EP300: variants seen among roughly 807,000 people sequenced by gnomAD.
EP300 encodes EP300 lysine acetyltransferase, also known as histone acetyltransferase p300.
A neutral mutation model predicts 264.0 loss-of-function variants in EP300; 31 were observed. That is an observed-to-expected ratio of 0.12 (90% CI 0.09 to 0.16). EP300 has a LOEUF of 0.16. EP300 is among the 10% of genes least tolerant of loss of function. The pLI is 1.00. For synonymous variants in EP300, 1,340 were observed against 1,045.4 expected (o/e 1.28, Z -5.44); for missense variants, 2,766 against 3,052.9 (o/e 0.91, Z 2.21).
intron 8 of EP300, 60 bp downstream of exon 8, chr22:41,137,850 A>G: frequency 5.0e-6 from 8 of 1,611,230 alleles, no homozygotes; most frequent in South Asian, 1.1e-5. Context: ...CATGTTTTCA[A>G]TCTCCTGGGC....
chr22:41,096,301 G>A (rs1465487484), intron 1 of EP300, among the ~76,000 whole-genome samples: 2 of 152,158 alleles, frequency 1.3e-5, no homozygotes, highest in East Asian at 1.9e-4. Flanking sequence ...GAAATGATGA[G>A]GGTCATCTGT....
At chr22:41,140,279 A>C (rs368104247) in intron 9 of EP300, 22 bp downstream of exon 9, 1 of 1,470,210 alleles carries the variant, frequency 6.8e-7, no homozygotes, top group African/African-American at 1.4e-5. Context: ...GTTTTTTTCT[A>C]TTAATAGCCA....
At chr22:41,142,671 G>C (rs1431212922) in intron 10 of EP300, among the ~76,000 whole-genome samples, 1 of 152,108 alleles carries the variant, frequency 6.6e-6, no homozygotes, top group South Asian at 2.1e-4. Context: ...AGATCATGAC[G>C]TCAGGAGATG....
chr22:41,135,830 G>C lies in EP300; in HGVS notation c.1546G>C (p.Val516Leu), dbSNP rs1601610243. The C allele has an allele frequency of 6.2e-7, 1 of 1,613,610 alleles. No homozygotes were observed. The highest frequency in any genetic ancestry group is 2.2e-5 in the East Asian group (1 of 44,866). The change falls in exon 7 of 31, where the codon GTA (valine) becomes CTA (leucine). Residue 516 changes from valine to leucine, a missense_variant. Coordinates refer to ENST00000263253, the MANE Select transcript of EP300 (RefSeq NM_001429.4). ...TGACTTAGGTGCTAGTCCTATGGGA[G>C]TAAATGGAGGTGTAGGAGTTCAAAC... ...MSNMSASPMG[V>L]NGGVGVQTPS...
intron 11 of EP300, 36 bp downstream of exon 11, chr22:41,146,852 A>G: frequency 6.4e-7 from 1 of 1,565,396 alleles, no homozygotes; most frequent in Non-Finnish European, 8.7e-7. Flanking sequence ...TTTTAAAAGA[A>G]TCCCCGGTGT....
At chr22:41,175,957 CACCT>C (rs2059197971) in intron 29 of EP300, 8 of 450,706 alleles carry the variant, frequency 1.8e-5, no homozygotes, top group Non-Finnish European at 8.2e-6. Context: ...TACCTGCTCA[CACCT>C]GTAATCCCAG....
At chr22:41,103,217 AT>A (rs2058741198) in intron 1 of EP300, among the ~76,000 whole-genome samples, 1 of 152,098 alleles carries the variant, frequency 6.6e-6, no homozygotes, top group South Asian at 2.1e-4. Flanking sequence ...GGCAGGTGTG[AT>A]GGGGGTAGTG....
intron 2 of EP300, among the ~76,000 whole-genome samples, chr22:41,121,265 A>C (rs8142938): frequency 1.3e-5 from 2 of 151,974 alleles, no homozygotes; most frequent in Admixed American, 6.6e-5. Context: ...TTAGGTAGCT[A>C]TTTGTATGGT....
chr22:41,167,684 G>A (rs1437189727), intron 23 of EP300, among the ~76,000 whole-genome samples: 10 of 135,678 alleles, frequency 7.4e-5, no homozygotes, highest in Admixed American at 3.8e-4. Flanking sequence ...AGGTTTCACT[G>A]TGTTGTCCAG....
At chr22:41,132,790 T>C (rs971360260) in intron 6 of EP300, among the ~76,000 whole-genome samples, 4 of 152,208 alleles carry the variant, frequency 2.6e-5, no homozygotes, top group Non-Finnish European at 5.9e-5. Context: ...CCTCACTTCC[T>C]GTTTTATGAC....
At chr22:41,155,195 A>G in intron 17 of EP300, 82 bp downstream of exon 17, 4 of 1,030,030 alleles carry the variant, frequency 3.9e-6, no homozygotes, top group Middle Eastern at 2.1e-4. Context: ...TCCAAACAGT[A>G]TAGCCACTCA....
At chr22:41,160,779 C>A (rs2145752760) in intron 20 of EP300, 57 bp downstream of exon 20, 1 of 1,475,608 alleles carries the variant, frequency 6.8e-7, no homozygotes, top group Non-Finnish European at 9.5e-7. Context: ...AGTGATTATG[C>A]ACAGCTTATT....
chr22:41,163,917 T>C (rs552329282), intron 21 of EP300, 136 bp from the exon 22 acceptor site: 6 of 843,224 alleles, frequency 7.1e-6, no homozygotes, highest in Middle Eastern at 2.2e-4. Flanking sequence ...TCTAAAAAAA[T>C]AGAAACTTTA....
chr22:41,145,924 T>A (rs1423155841), intron 10 of EP300, among the ~76,000 whole-genome samples: 1 of 152,010 alleles, frequency 6.6e-6, no homozygotes, highest in Non-Finnish European at 1.5e-5. Flanking sequence ...ATATTTTATT[T>A]TTTTAAGAAT....
rs12160751 is a variant in EP300 at position 41,170,724 on chromosome 22, C to T, written c.4452+153C>T. 0.28 allele frequency among the ~76,000 whole-genome samples: 39,788 copies of T among 141,404 alleles called. 6,283 individuals carry two copies. Among genetic ancestry groups the T allele is most frequent in the East Asian group, 0.56 (2,711 of 4,828 alleles). 92.8% of individuals were successfully genotyped at this position (141,404 alleles called of 152,430 possible). A position where few individuals can be genotyped will look rare whatever the true frequency, so the allele number is the denominator to read the frequency against. On this transcript the variant is annotated intron_variant, in intron 27 of 30. Coordinates refer to ENST00000263253, the MANE Select transcript of EP300 (RefSeq NM_001429.4). ...TCACGCAGGCTGGAGTGCAGTGACA[C>T]GATTTTGGCTCACTTCAAGCTCCGC...
chr22:41,131,402 G>C lies in EP300; in HGVS notation c.1297G>C (p.Ala433Pro). ...KRNQQPILTG[A>P]PVGLGNPSSL... Reference sequence around the variant, plus strand: ...GTCTTCTCTAGCAATTTTGACTGGAGCACCCGTTGGACTTGGAAATCCTAG... The same window carrying C: ...GTCTTCTCTAGCAATTTTGACTGGACCACCCGTTGGACTTGGAAATCCTAG... Residue 433 changes from alanine to proline, a missense_variant, in exon 6 of 31, where the codon GCA becomes CCA. Physicochemically the swap from Ala to Pro is conservative, Grantham distance 27 (BLOSUM62 -1). Transcript: ENST00000263253. The C allele has an allele frequency of 6.2e-7, 1 of 1,613,874 alleles. No homozygotes were observed. The highest frequency in any genetic ancestry group is 8.5e-7 in the Non-Finnish European group (1 of 1,179,998).
At chr22:41,102,236 A>G (rs951582390) in intron 1 of EP300, among the ~76,000 whole-genome samples, 2 of 152,002 alleles carry the variant, frequency 1.3e-5, no homozygotes, top group African/African-American at 4.8e-5. Flanking sequence ...TTTATAGATA[A>G]GGGAAGAAGA....
At chr22:41,137,620 T>C in intron 7 of EP300, 33 bp from the exon 8 acceptor site, 1 of 1,614,090 alleles carries the variant, frequency 6.2e-7, no homozygotes, top group African/African-American at 1.3e-5. Flanking sequence ...CTACCTTTCT[T>C]CACTAAAACT....
At chr22:41,153,503 C>T (rs116736991) in intron 16 of EP300, among the ~76,000 whole-genome samples, 6,329 of 152,144 alleles carry the variant, frequency 0.042, 428 homozygotes, top group East Asian at 0.2. Flanking sequence ...GTAATCCCAC[C>T]GCTTTGGGAG....
Sources: allele counts gnomAD v4.1 joint callset (sites outside exome capture counted in the v4.1 genomes callset), GRCh38; gene constraint gnomAD v4.1.1; transcripts MANE v1.5; gene names NCBI Gene and HGNC (gene_info 2026-07-23, HGNC 2026-07-21).